The following COLGALT2 variants were observed in gnomAD, a reference collection of about 807,000 sequenced individuals.
COLGALT2 encodes collagen beta(1-O)galactosyltransferase 2.
COLGALT2 carries 49 observed loss-of-function variants against 73.4 expected under a neutral mutation model. The observed-to-expected ratio is 0.67, with a 90% CI of 0.53 to 0.85. The LOEUF is 0.85. Among genes scored for constraint, COLGALT2 ranks in the 40% least tolerant of loss-of-function variants. The pLI is 0.00. For synonymous variants in COLGALT2, 295 were observed against 307.6 expected (o/e 0.96, Z 0.43); for missense variants, 722 against 790.2 (o/e 0.91, Z 1.03).
intron 1 of COLGALT2, among the ~76,000 whole-genome samples, chr1:184,008,797 A>T (rs900918774): frequency 6.6e-6 from 1 of 152,320 alleles, no homozygotes; most frequent in South Asian, 2.1e-4. Flanking sequence ...TGTAAAAGAA[A>T]ATATTCTTAT....
At chr1:183,980,885 G>T (rs3010051) in intron 1 of COLGALT2, among the ~76,000 whole-genome samples, 84,523 of 151,752 alleles carry the variant, frequency 0.56, 28,434 homozygotes, top group Non-Finnish European at 0.76. Context: ...TTTTCAATAT[G>T]AAGGAATTTC....
intron 7 of COLGALT2, 99 bp downstream of exon 7, chr1:183,954,663 T>A: frequency 1.1e-6 from 1 of 887,952 alleles, no homozygotes; most frequent in Non-Finnish European, 1.8e-6. Context: ...CAAGCCAGTC[T>A]TGCTGGCTCT....
chr1:183,969,119 G>A (rs904930641), intron 5 of COLGALT2, 150 bp downstream of exon 5: 2 of 578,822 alleles, frequency 3.5e-6, no homozygotes, highest in African/African-American at 1.9e-5. Context: ...CAGCAACATA[G>A]AGGGTGCTGG....
At chr1:184,009,872 C>T (rs1200760368) in intron 1 of COLGALT2, among the ~76,000 whole-genome samples, 1 of 152,228 alleles carries the variant, frequency 6.6e-6, no homozygotes, top group Non-Finnish European at 1.5e-5. Context: ...CTGTAGGCAT[C>T]ACAGATCTCA....
chr1:184,035,183 G>A (rs1649634646), intron 1 of COLGALT2, among the ~76,000 whole-genome samples: 1 of 152,182 alleles, frequency 6.6e-6, no homozygotes. Context: ...AGGGAACTTA[G>A]GATGTACATT....
chr1:184,008,649 G>A (rs1269283458), intron 1 of COLGALT2, among the ~76,000 whole-genome samples: 1 of 152,128 alleles, frequency 6.6e-6, no homozygotes, highest in Admixed American at 6.5e-5. Flanking sequence ...AGGATCCCTT[G>A]AGCCCCAGAG....
rs2986575 is a variant in COLGALT2, at chr1:183,938,536, A to G, written c.*225T>C. On this transcript the variant is annotated 3_prime_UTR_variant, in exon 12 of 12. Transcript: ENST00000361927. ...TTACAGTTTATCTTAACAGTTTCCA[A>G]AAAACCTGTCTTTCAGCCGTCTTGG... 1,062,725 of 1,397,594 alleles carry G rather than the reference A, an allele frequency of 0.76. 405,001 individuals carry two copies. Among genetic ancestry groups the G allele is most frequent in the Admixed American group, 0.79 (26,180 of 33,044 alleles). The allele number at this position is 1,397,594 out of a possible 1,614,324, so 86.6% of individuals were successfully genotyped here.
At chr1:183,997,192 T>G (rs565813743) in intron 1 of COLGALT2, among the ~76,000 whole-genome samples, 58 of 152,122 alleles carry the variant, frequency 3.8e-4, no homozygotes, top group African/African-American at 1.4e-3. Context: ...ACGGAGTTGT[T>G]GTGAAGATAA....
intron 1 of COLGALT2, among the ~76,000 whole-genome samples, chr1:184,010,559 A>AT (rs934044317): frequency 2.0e-5 from 3 of 152,120 alleles, no homozygotes; most frequent in Non-Finnish European, 4.4e-5. Flanking sequence ...AAATGATGAG[A>AT]TTTTTTTCCC....
chr1:183,964,097 A>C, intron 5 of COLGALT2, 77 bp from the exon 6 acceptor site: 1 of 1,525,758 alleles, frequency 6.6e-7, no homozygotes, highest in Non-Finnish European at 9.0e-7. Flanking sequence ...AAGGAACCTG[A>C]ACTGTGTCTG....
chr1:183,938,723 G>A lies in COLGALT2; in HGVS notation c.*38C>T. On this transcript the variant is annotated 3_prime_UTR_variant, in exon 12 of 12. Coordinates refer to ENST00000361927, the MANE Select transcript of COLGALT2 (RefSeq NM_015101.4). ...GAATAGCCCTTTAGAAAAACCAGAG[G>A]ATGTTGAACTGATGTGGGCCACACT... is the stretch of plus-strand genomic sequence containing the variant. The A allele has an allele frequency of 1.2e-6, 2 of 1,602,140 alleles. No homozygotes were observed. The highest frequency in any genetic ancestry group is 1.7e-6 in the Non-Finnish European group (2 of 1,172,962).
rs1411421304 is a variant in COLGALT2, at chr1:183,937,326, C to T, written c.*1435G>A. 1 of 1,053,396 alleles carries T rather than the reference C, an allele frequency of 9.5e-7. No homozygotes were observed. Among genetic ancestry groups the T allele is most frequent in the Non-Finnish European group, 1.1e-6 (1 of 875,064 alleles). 65.3% of individuals were successfully genotyped at this position (1,053,396 alleles called of 1,614,324 possible). A position where few individuals can be genotyped will look rare whatever the true frequency, so the allele number is the denominator to read the frequency against. ...AATTTACAGATTGAGGGCATGAGAACATAAACTTGAGGGAAACCACCATGA... is the reference window on the plus strand; with the variant it reads ...AATTTACAGATTGAGGGCATGAGAATATAAACTTGAGGGAAACCACCATGA... On this transcript the variant is annotated 3_prime_UTR_variant, in exon 12 of 12. Coordinates refer to ENST00000361927, the MANE Select transcript of COLGALT2 (RefSeq NM_015101.4).
At chr1:183,958,321 C>G (rs926492960) in intron 6 of COLGALT2, among the ~76,000 whole-genome samples, 2 of 152,146 alleles carry the variant, frequency 1.3e-5, no homozygotes, top group African/African-American at 4.8e-5. Context: ...TGATAAAACC[C>G]TAATCCTGGT....
In COLGALT2 at chr1:183,938,113, T is replaced by A. The variant is rs879335927; in HGVS notation, c.*648A>T. On this transcript the variant is annotated 3_prime_UTR_variant, in exon 12 of 12. Transcript: ENST00000361927. Reference sequence around the variant, plus strand: ...ACATGGCAAACTGGTCACCTCTATATGAGAACTCCAACTGCCATGATGGTC... The same window carrying A: ...ACATGGCAAACTGGTCACCTCTATAAGAGAACTCCAACTGCCATGATGGTC... 27 of 985,998 alleles carry A rather than the reference T, an allele frequency of 2.7e-5. No individual in the cohort carries two copies. In the Admixed American group the frequency reaches 1.3e-3, roughly 47 times the overall value. The allele number at this position is 985,998 out of a possible 1,614,324, so 61.1% of individuals were successfully genotyped here.
intron 8 of COLGALT2, among the ~76,000 whole-genome samples, chr1:183,947,310 T>C (rs187851051): frequency 2.4e-4 from 36 of 152,280 alleles, no homozygotes; most frequent in Non-Finnish European, 4.4e-4. Context: ...CAAGTGTGCA[T>C]AGAACATTCT....
At chr1:184,031,397 G>C (rs1490745568) in intron 1 of COLGALT2, among the ~76,000 whole-genome samples, 1 of 152,144 alleles carries the variant, frequency 6.6e-6, no homozygotes, top group African/African-American at 2.4e-5. Flanking sequence ...AAACAGATTA[G>C]AGTTCACTAA....
At chr1:184,022,935 G>A (rs185773029) in intron 1 of COLGALT2, among the ~76,000 whole-genome samples, 16 of 152,312 alleles carry the variant, frequency 1.1e-4, no homozygotes, top group African/African-American at 3.4e-4. Context: ...GGGAAACAAG[G>A]CAGCTGGCCT....
chr1:183,992,253 G>A (rs1056895954), intron 1 of COLGALT2, among the ~76,000 whole-genome samples: 2 of 152,234 alleles, frequency 1.3e-5, no homozygotes, highest in African/African-American at 4.8e-5. Context: ...CCAGACATAA[G>A]TCAGACAGCT....
chr1:184,024,299 T>C (rs982537959), intron 1 of COLGALT2, among the ~76,000 whole-genome samples: 3 of 152,084 alleles, frequency 2.0e-5, no homozygotes, highest in African/African-American at 7.2e-5. Flanking sequence ...ATATTACTGG[T>C]ACTGGAATGC....
Sources: gnomAD v4.1 joint callset for allele counts (sites outside exome capture counted in the v4.1 genomes callset) on GRCh38, gnomAD v4.1.1 for gene constraint, MANE v1.5 for transcripts, NCBI Gene and HGNC (gene_info 2026-07-23, HGNC 2026-07-21) for gene names.